The following CDKL4 variants were observed in gnomAD, a reference collection of about 807,000 sequenced individuals.
CDKL4 encodes the protein cyclin dependent kinase like 4.
In CDKL4, 44 loss-of-function variants were observed where a neutral mutation model predicts 42.0. That is an observed-to-expected ratio of 1.05 (90% CI 0.82 to 1.35). The LOEUF is 1.35. CDKL4 is among the 40% of genes most tolerant of loss of function. The pLI, the probability that CDKL4 is intolerant of heterozygous loss-of-function variation, is 0.00. For missense variants in CDKL4, 393 were observed against 369.9 expected (o/e 1.06, Z -0.51); for synonymous variants, 120 against 121.6 (o/e 0.99, Z 0.09).
chr2:39,205,539 T>C (rs930541776), intron 4 of CDKL4, among the ~76,000 whole-genome samples: 3 of 151,338 alleles, frequency 2.0e-5, no homozygotes. Context: ...GGCGGGCAGA[T>C]CACGCGGTCA....
the CDKL4 span, among the ~76,000 whole-genome samples, chr2:39,170,089 C>T: frequency 1.3e-5 from 2 of 151,922 alleles, no homozygotes; most frequent in African/African-American, 4.8e-5. Flanking sequence ...GTCTCAAACT[C>T]CTGGGCTCAA....
downstream of CDKL4, among the ~76,000 whole-genome samples, chr2:39,173,812 C>CAA (rs548800502): frequency 7.4e-5 from 7 of 95,234 alleles, no homozygotes; most frequent in African/African-American, 2.9e-4. Flanking sequence ...GACTCCATCT[C>CAA]AAAAAAAAAA....
intron 1 of CDKL4, among the ~76,000 whole-genome samples, chr2:39,238,879 G>C (rs1480432780): frequency 6.6e-6 from 1 of 152,142 alleles, no homozygotes; most frequent in African/African-American, 2.4e-5. Context: ...AGTCTCCCAA[G>C]TAGCTGGGAT....
intron 5 of CDKL4, among the ~76,000 whole-genome samples, chr2:39,194,531 G>A (rs1193290884): frequency 6.6e-6 from 1 of 152,130 alleles, no homozygotes; most frequent in African/African-American, 2.4e-5. Flanking sequence ...TTGGTGAAGA[G>A]TAGTATTTTA....
intron 4 of CDKL4, among the ~76,000 whole-genome samples, chr2:39,208,701 CT>C (rs761337117): frequency 0.033 from 3,365 of 102,028 alleles, 60 homozygotes; most frequent in African/African-American, 0.1. Context: ...GACGGGCAAT[CT>C]TTTTTTTTTT....
exon 4 of CDKL4, chr2:39,213,430 A>G (rs1677707379): frequency 6.2e-7 from 1 of 1,610,448 alleles, no homozygotes; most frequent in Admixed American, 1.7e-5. Flanking sequence ...TAAGAGCTTG[A>G]AGTGTTTGCC....
chr2:39,179,139 C>T, intron 9 of CDKL4, 48 bp downstream of exon 9: 1 of 1,577,116 alleles, frequency 6.3e-7, no homozygotes, highest in Non-Finnish European at 8.6e-7. Context: ...CAAACAAAAA[C>T]AAAAAAGGAA....
chr2:39,226,853 G>A (rs896808354), intron 2 of CDKL4, among the ~76,000 whole-genome samples: 1 of 151,252 alleles, frequency 6.6e-6, no homozygotes, highest in East Asian at 1.9e-4. Flanking sequence ...TACAACCTCC[G>A]CCTCCTGGTT....
rs10547216 is a variant in CDKL4 at position 39,185,406 on chromosome 2, G to A, written c.736-759C>T. Among the ~76,000 whole-genome samples, 8 of 14,484 alleles carry A rather than the reference G, an allele frequency of 5.5e-4. 1 individual carries two copies. The highest frequency in any genetic ancestry group is 9.0e-4 in the Non-Finnish European group (3 of 3,320). The allele number at this position is 14,484 out of a possible 152,430, so 9.5% of individuals were successfully genotyped here. On this transcript the variant is annotated intron_variant, in intron 7 of 9. Coordinates refer to ENST00000451199, the Ensembl canonical transcript of CDKL4. ...TATATACATGTATATATACATATGT[G>A]TATATATACATATATATATACATAT... is the stretch of plus-strand genomic sequence containing the variant.
intron 1 of CDKL4, among the ~76,000 whole-genome samples, chr2:39,243,068 G>A (rs555516007): frequency 1.5e-5 from 2 of 135,892 alleles, no homozygotes; most frequent in East Asian, 4.5e-4. Flanking sequence ...GAGCCAAGGT[G>A]GCGCCACCGC....
intron 3 of CDKL4, among the ~76,000 whole-genome samples, chr2:39,218,484 G>A (rs900744923): frequency 6.6e-6 from 1 of 152,132 alleles, no homozygotes. Context: ...ACAAGTGAAT[G>A]AGACCTTCTC....
At chr2:39,244,230 G>A (rs1431377583), upstream of CDKL4, among the ~76,000 whole-genome samples, 1 of 152,232 alleles carries the variant, frequency 6.6e-6, no homozygotes, top group African/African-American at 2.4e-5. Context: ...TTCTGGGCTG[G>A]CCAAGGCCGG....
At chr2:39,179,294 T>C (rs1675306117) in exon 9 of CDKL4, 1 of 1,606,856 alleles carries the variant, frequency 6.2e-7, no homozygotes, top group Non-Finnish European at 8.5e-7. Context: ...CAGGTTAATC[T>C]GTCATCTGGA....
chr2:39,181,319 T>A (rs1267205092), intron 8 of CDKL4, among the ~76,000 whole-genome samples: 1 of 152,222 alleles, frequency 6.6e-6, no homozygotes, highest in East Asian at 1.9e-4. Context: ...TGGATAAAAT[T>A]CCTCAAGGCC....
At chr2:39,204,234 C>A (rs907735402) in intron 5 of CDKL4, among the ~76,000 whole-genome samples, 2 of 152,152 alleles carry the variant, frequency 1.3e-5, no homozygotes, top group Non-Finnish European at 2.9e-5. Flanking sequence ...TTGTATTATT[C>A]TTTGTTTCTT....
downstream of CDKL4, among the ~76,000 whole-genome samples, chr2:39,172,379 G>A (rs1351293557): frequency 6.6e-6 from 1 of 152,100 alleles, no homozygotes; most frequent in African/African-American, 2.4e-5. Flanking sequence ...GGAACCAGAT[G>A]CTGAAGAGCA....
chr2:39,220,248 T>C (rs1279333114), intron 3 of CDKL4, among the ~76,000 whole-genome samples: 1 of 152,124 alleles, frequency 6.6e-6, no homozygotes, highest in Non-Finnish European at 1.5e-5. Context: ...ACTTGTACAA[T>C]AAGGCTGGTT....
intron 1 of CDKL4, among the ~76,000 whole-genome samples, chr2:39,238,835 T>G (rs766698342): frequency 6.6e-6 from 1 of 152,216 alleles, no homozygotes; most frequent in Non-Finnish European, 1.5e-5. Flanking sequence ...CACTGCAACC[T>G]CCGTCTCCTG....
intron 5 of CDKL4, 145 bp from the exon 6 acceptor site, chr2:39,190,647 A>G (rs1676130858): frequency 1.5e-6 from 1 of 659,896 alleles, no homozygotes; most frequent in Non-Finnish European, 2.6e-6. Context: ...TAATTGAGGA[A>G]ACAGTTACTG....
Sources: allele counts gnomAD v4.1 joint callset (sites outside exome capture counted in the v4.1 genomes callset), GRCh38; gene constraint gnomAD v4.1.1; transcripts MANE v1.5; gene names NCBI Gene and HGNC (gene_info 2026-07-23, HGNC 2026-07-21).